LRRC4C: variants seen among roughly 807,000 people sequenced by gnomAD.
LRRC4C encodes the protein leucine rich repeat containing 4C.
Under a neutral mutation model 33.6 loss-of-function variants are expected in LRRC4C, and 5 were observed. The observed-to-expected ratio is 0.15, with a 90% confidence interval of 0.08 to 0.31. LRRC4C has a LOEUF of 0.31. LRRC4C is among the 10% of genes least tolerant of loss of function. The pLI is 1.00. For synonymous variants in LRRC4C, 329 were observed against 302.0 expected (o/e 1.09, Z -0.93); for missense variants, 560 against 796.7 (o/e 0.70, Z 3.58).
At chr11:40,880,012 A>T (rs1955089958) in intron 2 of LRRC4C, among the ~76,000 whole-genome samples, 4 of 152,078 alleles carry the variant, frequency 2.6e-5, no homozygotes. Flanking sequence ...TTTTGAGGCT[A>T]GGTCCTAACA....
At chr11:40,497,926 T>C (rs975743921) in intron 3 of LRRC4C, among the ~76,000 whole-genome samples, 1 of 152,200 alleles carries the variant, frequency 6.6e-6, no homozygotes, top group South Asian at 2.1e-4. Flanking sequence ...TTTGCATTTA[T>C]AGACCAGTAT....
At chr11:41,152,418 CCT>C (rs1304788558) in intron 1 of LRRC4C, among the ~76,000 whole-genome samples, 1 of 152,176 alleles carries the variant, frequency 6.6e-6, no homozygotes, top group Non-Finnish European at 1.5e-5. Context: ...AAATTCAACT[CCT>C]GTTTTCTCTG....
intron 3 of LRRC4C, among the ~76,000 whole-genome samples, chr11:40,529,953 A>G (rs1198685384): frequency 1.3e-5 from 2 of 152,118 alleles, no homozygotes; most frequent in African/African-American, 4.8e-5. Flanking sequence ...CATGTACCCC[A>G]GAAATTAAAG....
chr11:40,401,365 AG>A (rs1045969650), intron 3 of LRRC4C, among the ~76,000 whole-genome samples: 7 of 152,062 alleles, frequency 4.6e-5, no homozygotes, highest in Non-Finnish European at 8.8e-5. Flanking sequence ...TAGACAAAGC[AG>A]TCTGTCATCC....
chr11:41,275,188 G>A (rs1415074649), intron 1 of LRRC4C, among the ~76,000 whole-genome samples: 3 of 152,132 alleles, frequency 2.0e-5, no homozygotes, highest in Admixed American at 2.0e-4. Flanking sequence ...CTGGTGCCAT[G>A]CCTGTGAAGC....
At chr11:40,832,297 G>A (rs1591830475) in intron 2 of LRRC4C, among the ~76,000 whole-genome samples, 1 of 152,092 alleles carries the variant, frequency 6.6e-6, no homozygotes, top group African/African-American at 2.4e-5. Context: ...TCCATCATTG[G>A]TTGAAATGTC....
intron 5 of LRRC4C, among the ~76,000 whole-genome samples, chr11:40,169,049 A>G (rs1180857594): frequency 1.3e-5 from 2 of 152,184 alleles, no homozygotes; most frequent in African/African-American, 4.8e-5. Context: ...TAACTTTGCA[A>G]CGGAGCATTT....
At chr11:40,361,189 A>G (rs1398972396) in intron 3 of LRRC4C, among the ~76,000 whole-genome samples, 2 of 152,214 alleles carry the variant, frequency 1.3e-5, no homozygotes, top group Non-Finnish European at 2.9e-5. Context: ...CTGGCACAAG[A>G]CAAGGATGGC....
At chr11:40,633,421 C>T (rs1237904247) in intron 3 of LRRC4C, among the ~76,000 whole-genome samples, 1 of 136,756 alleles carries the variant, frequency 7.3e-6, no homozygotes, top group African/African-American at 2.7e-5. Flanking sequence ...CAGAGTCTCA[C>T]TCTATCGCCC....
intron 1 of LRRC4C, among the ~76,000 whole-genome samples, chr11:40,966,471 C>G (rs917179669): frequency 2.0e-5 from 3 of 151,958 alleles, no homozygotes; most frequent in Admixed American, 6.6e-5. Flanking sequence ...CTTCAGATAT[C>G]TGTGCCTCAA....
chr11:40,265,384 C>T (rs918140802), intron 4 of LRRC4C, among the ~76,000 whole-genome samples: 1 of 152,166 alleles, frequency 6.6e-6, no homozygotes, highest in Non-Finnish European at 1.5e-5. Context: ...TGTTAGAAAA[C>T]TTACTTTTCA....
rs148785150 is a variant in LRRC4C, at chr11:40,777,256, C to T, written c.-406-128978G>A. The stretch of plus-strand genomic sequence containing the variant: ...TATGTCCAATTTGTTAAATGTTGAA[C>T]GTAAGTCCAGGATTTTTGTTGTTAG... On this transcript the variant is annotated intron_variant, in intron 2 of 6. Transcript: ENST00000528697. Among the ~76,000 whole-genome samples the T allele has an allele frequency of 7.9e-4, 121 of 152,204 alleles. 1 individual carries two copies. The East Asian group carries it at 0.018, about 23-fold the overall frequency.
intron 1 of LRRC4C, among the ~76,000 whole-genome samples, chr11:41,171,139 C>T (rs1330140264): frequency 6.7e-6 from 1 of 149,822 alleles, no homozygotes; most frequent in African/African-American, 2.5e-5. Flanking sequence ...AATAGGAACA[C>T]TTTTACACTG....
At chr11:41,248,142 T>C (rs1948514114) in intron 1 of LRRC4C, among the ~76,000 whole-genome samples, 1 of 152,186 alleles carries the variant, frequency 6.6e-6, no homozygotes, top group Non-Finnish European at 1.5e-5. Flanking sequence ...ACAAATTATC[T>C]CTTTTTTGAT....
At chr11:40,777,515 T>G (rs201034064) in intron 2 of LRRC4C, among the ~76,000 whole-genome samples, 3,536 of 144,394 alleles carry the variant, frequency 0.024, 159 homozygotes, top group African/African-American at 0.083. Flanking sequence ...TTTTTTTTTT[T>G]TTGTTTAAAG....
At chr11:40,220,094 A>G (rs1350114291) in intron 5 of LRRC4C, among the ~76,000 whole-genome samples, 1 of 152,228 alleles carries the variant, frequency 6.6e-6, no homozygotes, top group Non-Finnish European at 1.5e-5. Flanking sequence ...GAATTTCAAC[A>G]TGCCAAATTA....
At chr11:40,772,071 C>T (rs1465656662) in intron 2 of LRRC4C, among the ~76,000 whole-genome samples, 5 of 152,224 alleles carry the variant, frequency 3.3e-5, no homozygotes, top group East Asian at 3.9e-4. Context: ...TGTATTAGTC[C>T]GTTCTCACAC....
chr11:40,156,615 C>CA (rs1171101907), intron 5 of LRRC4C, among the ~76,000 whole-genome samples: 6 of 151,138 alleles, frequency 4.0e-5, no homozygotes, highest in Admixed American at 1.3e-4. Context: ...AAAAAAACCA[C>CA]AAAAAACAAA....
intron 1 of LRRC4C, among the ~76,000 whole-genome samples, chr11:41,152,928 C>T (rs909397778): frequency 6.6e-6 from 1 of 152,132 alleles, no homozygotes; most frequent in African/African-American, 2.4e-5. Context: ...AAGTAAGATT[C>T]ATCTTATAGT....
Sources: allele counts gnomAD v4.1 joint callset (sites outside exome capture counted in the v4.1 genomes callset), GRCh38; gene constraint gnomAD v4.1.1; transcripts MANE v1.5; gene names NCBI Gene and HGNC (gene_info 2026-07-23, HGNC 2026-07-21).